The following ADAM22 variants were observed in gnomAD, a reference collection of about 807,000 sequenced individuals.
ADAM22 encodes the protein ADAM metallopeptidase domain 22.
Under a neutral mutation model 144.6 loss-of-function variants are expected in ADAM22, and 65 were observed. The ratio of observed to expected loss-of-function variants is 0.45; its 90% confidence interval spans 0.37 to 0.55. The LOEUF (loss-of-function observed/expected upper bound fraction) is 0.55. Ranked by LOEUF, ADAM22 falls within the 20% of genes least tolerant of loss-of-function variation. The probability of loss-of-function intolerance (pLI) is 0.00; values close to 1 mark genes in which losing one functional copy is unlikely to be tolerated. For missense variants in ADAM22, 974 were observed against 1,184.9 expected (o/e 0.82, Z 2.61); for synonymous variants, 391 against 412.6 (o/e 0.95, Z 0.63).
At position 87,970,474 on chromosome 7, in the gene ADAM22, C is replaced by T. The variant is rs954302119; in HGVS notation, c.247-7862C>T. Among the ~76,000 whole-genome samples, 4 of 152,116 alleles carry T rather than the reference C, an allele frequency of 2.6e-5. 1 individual carries two copies. The South Asian group carries it at 8.3e-4, about 32-fold the overall frequency. On this transcript the variant is annotated intron_variant, in intron 2 of 31. Transcript: ENST00000413139. ...GTAATATTCCCACCCCATTGGTAAACATCAATTCGTTATTCAGGTTGGACT... is the reference window on the plus strand; with the variant it reads ...GTAATATTCCCACCCCATTGGTAAATATCAATTCGTTATTCAGGTTGGACT...
At chr7:88,066,611 T>A (rs1183324610) in intron 3 of ADAM22, among the ~76,000 whole-genome samples, 3 of 152,036 alleles carry the variant, frequency 2.0e-5, no homozygotes, top group African/African-American at 7.2e-5. Flanking sequence ...TATAATTAAT[T>A]AAGAGAAAAC....
At chr7:88,141,768 A>T (rs1834763314) in intron 14 of ADAM22, among the ~76,000 whole-genome samples, 1 of 152,062 alleles carries the variant, frequency 6.6e-6, no homozygotes, top group African/African-American at 2.4e-5. Context: ...CAGTTTAGTT[A>T]TATATATATC....
intron 26 of ADAM22, among the ~76,000 whole-genome samples, chr7:88,175,418 G>T (rs960050141): frequency 3.9e-5 from 6 of 152,220 alleles, no homozygotes; most frequent in Non-Finnish European, 7.4e-5. Flanking sequence ...ACCTTCAAAA[G>T]AATGTTATTT....
At position 87,935,181 on chromosome 7, in the gene ADAM22, C is replaced by G. The variant is rs780652562; in HGVS notation, c.241C>G (p.Pro81Ala). ...DTRVRGDLGG[P>A]QLTHVDQASF... is the part of the protein sequence containing the mutation. ...GCGGGTGCGGGGCGACCTCGGTGGC[C>G]CGCAGGTGAGAGGCTCGGTCCGGGA... Residue 81 changes from proline (P) to alanine (A), a missense_variant, in exon 2 of 32, where the codon CCG (proline) becomes GCG (alanine). Pro to Ala is a conservative substitution (Grantham distance 27). This residue lies in a region of ADAM22 where 240 missense variants were observed against 234.3 expected (regional missense o/e 1.02). Transcript: ENST00000413139. The G allele has an allele frequency of 1.2e-4, 190 of 1,604,318 alleles. No individual in the cohort carries two copies. The highest frequency in any genetic ancestry group is 1.7e-4 in the Middle Eastern group (1 of 5,954).
intron 3 of ADAM22, among the ~76,000 whole-genome samples, chr7:88,042,773 C>G (rs571620646): frequency 3.3e-5 from 5 of 151,792 alleles, no homozygotes; most frequent in African/African-American, 1.2e-4. Flanking sequence ...TCGATGATAG[C>G]TAGGAATCCA....
chr7:88,130,517 T>C, intron 10 of ADAM22, 58 bp downstream of exon 10: 2 of 1,481,088 alleles, frequency 1.4e-6, no homozygotes, highest in South Asian at 1.2e-5. Context: ...TAATTGCTAA[T>C]AGAATGGATA....
rs796271594 is a variant in ADAM22, at chr7:88,163,250, T to G, written c.2076+70T>G. 1.5e-5 allele frequency: 19 copies of G among 1,277,672 alleles called. No homozygotes were observed. The African/African-American group carries it at 2.8e-4, about 19-fold the overall frequency. The allele number at this position is 1,277,672 out of a possible 1,614,324, so 79.1% of individuals were successfully genotyped here. A position where few individuals can be genotyped will look rare whatever the true frequency, so the allele number is the denominator to read the frequency against. On this transcript the variant is annotated intron_variant, in intron 23 of 31. Coordinates refer to ENST00000413139, the MANE Select transcript of ADAM22 (RefSeq NM_001324418.2). ...AGAAATAGACAGGACCCTAAACTAT[T>G]TATTTTTCTTAATTATGGAAAAAAA...
intron 4 of ADAM22, among the ~76,000 whole-genome samples, chr7:88,076,224 CAG>C (rs1814450463): frequency 6.6e-6 from 1 of 151,864 alleles, no homozygotes; most frequent in East Asian, 1.9e-4. Flanking sequence ...TTTTAGTGGA[CAG>C]GGGGTTTCAC....
At chr7:88,078,577 G>A (rs1272773177) in intron 4 of ADAM22, among the ~76,000 whole-genome samples, 1 of 152,150 alleles carries the variant, frequency 6.6e-6, no homozygotes, top group Non-Finnish European at 1.5e-5. Context: ...TGAACCAATG[G>A]CAAAGAAGTT....
intron 9 of ADAM22, 49 bp downstream of exon 9, chr7:88,128,725 G>A: frequency 6.9e-7 from 1 of 1,443,702 alleles, no homozygotes; most frequent in Non-Finnish European, 9.7e-7. Context: ...GGGTAAAACT[G>A]GTGAGTGCAA....
chr7:87,943,500 A>G (rs1241441705), intron 2 of ADAM22, among the ~76,000 whole-genome samples: 1 of 152,146 alleles, frequency 6.6e-6, no homozygotes, highest in Non-Finnish European at 1.5e-5. Flanking sequence ...GTTATTTTAC[A>G]TATAATTAAA....
chr7:88,142,763 G>A (rs375578819), intron 14 of ADAM22, among the ~76,000 whole-genome samples: 7 of 151,898 alleles, frequency 4.6e-5, no homozygotes, highest in South Asian at 2.1e-4. Flanking sequence ...GCGTGAACCC[G>A]GGAGGTGGAG....
chr7:88,071,002 A>G (rs1184529870), intron 3 of ADAM22, among the ~76,000 whole-genome samples: 1 of 152,098 alleles, frequency 6.6e-6, no homozygotes, highest in Non-Finnish European at 1.5e-5. Context: ...CCATTTGACA[A>G]CTGTGATCCT....
intron 12 of ADAM22, among the ~76,000 whole-genome samples, chr7:88,133,274 G>A (rs548766471): frequency 3.2e-4 from 49 of 151,888 alleles, no homozygotes; most frequent in African/African-American, 1.1e-3. Flanking sequence ...GAAGTGGGAG[G>A]ATGGCTTAAG....
rs532203984 is a variant in ADAM22, at chr7:88,181,716, C to A, written c.2596+111C>A. The A allele has an allele frequency of 2.1e-5, 20 of 960,242 alleles. No individual in the cohort carries two copies. The South Asian group carries it at 2.7e-4, about 13-fold the overall frequency. 59.5% of individuals were successfully genotyped at this position (960,242 alleles called of 1,614,324 possible). A position where few individuals can be genotyped will look rare whatever the true frequency, so the allele number is the denominator to read the frequency against. On this transcript the variant is annotated intron_variant, in intron 28 of 31. Coordinates refer to ENST00000413139, the MANE Select transcript of ADAM22 (RefSeq NM_001324418.2). ...TGAAGCTCTTTAGCTCTTCTCCCAA[C>A]AGAGAGGAGAATATGTAGAATGAGA...
intron 3 of ADAM22, among the ~76,000 whole-genome samples, chr7:88,007,396 T>C (rs950118676): frequency 1.3e-5 from 2 of 152,144 alleles, no homozygotes; most frequent in Non-Finnish European, 2.9e-5. Context: ...TGGAAAAAAC[T>C]ACTTTAAAGT....
intron 3 of ADAM22, among the ~76,000 whole-genome samples, chr7:88,010,344 G>T (rs796691531): frequency 7.9e-5 from 12 of 152,210 alleles, no homozygotes; most frequent in African/African-American, 2.9e-4. Context: ...CTTTTAACTA[G>T]TTATGGCTTT....
chr7:87,981,905 A>T (rs545914092), intron 3 of ADAM22, among the ~76,000 whole-genome samples: 101 of 152,178 alleles, frequency 6.6e-4, no homozygotes, highest in African/African-American at 2.3e-3. Context: ...CACTGTTATT[A>T]ATAAATCTGT....
intron 25 of ADAM22, among the ~76,000 whole-genome samples, chr7:88,169,498 C>G (rs1224015782): frequency 6.6e-6 from 1 of 152,002 alleles, no homozygotes; most frequent in African/African-American, 2.4e-5. Flanking sequence ...TAAATAAACT[C>G]TTTCATAATT....
Sources: allele counts gnomAD v4.1 joint callset (sites outside exome capture counted in the v4.1 genomes callset), GRCh38; gene constraint gnomAD v4.1.1; regional missense constraint gnomAD v4.1.1; transcripts MANE v1.5; gene names NCBI Gene and HGNC (gene_info 2026-07-23, HGNC 2026-07-21).